COL14A1: variants seen among roughly 807,000 people sequenced by gnomAD.
The protein encoded by COL14A1 is collagen type XIV alpha 1 chain.
In COL14A1, 136 loss-of-function variants were observed where a neutral mutation model predicts 230.3. The ratio of observed to expected loss-of-function variants is 0.59; its 90% confidence interval spans 0.51 to 0.68. The LOEUF (loss-of-function observed/expected upper bound fraction) is 0.68. Ranked by LOEUF, COL14A1 falls within the 30% of genes least tolerant of loss-of-function variation. The pLI is 0.00. For missense variants in COL14A1, 1,976 were observed against 2,215.8 expected (o/e 0.89, Z 2.17); for synonymous variants, 792 against 784.1 (o/e 1.01, Z -0.17).
chr8:120,212,434 T>A lies in COL14A1; in HGVS notation c.1468-14T>A. 1 of 1,612,274 alleles carries A rather than the reference T, an allele frequency of 6.2e-7. No homozygotes were observed. Among genetic ancestry groups the A allele is most frequent in the African/African-American group, 1.3e-5 (1 of 74,990 alleles). On this transcript the variant is annotated splice_polypyrimidine_tract_variant and intron_variant, in intron 12 of 47. Coordinates refer to ENST00000297848, the MANE Select transcript of COL14A1 (RefSeq NM_021110.4). ...TGTATTGGCAAATGATCTAACAACA[T>A]GTGTTCTTTTCAGATGAAAATTGGA... is the stretch of plus-strand genomic sequence containing the variant.
intron 1 of COL14A1, among the ~76,000 whole-genome samples, chr8:120,141,422 T>C (rs1814904386): frequency 6.6e-6 from 1 of 151,908 alleles, no homozygotes; most frequent in Non-Finnish European, 1.5e-5. Context: ...GGCACATGCC[T>C]ATAGTCCAGC....
chr8:120,126,528 A>G (rs891402197), intron 1 of COL14A1, among the ~76,000 whole-genome samples: 1 of 152,240 alleles, frequency 6.6e-6, no homozygotes, highest in African/African-American at 2.4e-5. Flanking sequence ...AACAAGAGAA[A>G]GATGGGAGTA....
chr8:120,306,019 G>A (rs960967054), intron 36 of COL14A1, among the ~76,000 whole-genome samples: 14 of 152,060 alleles, frequency 9.2e-5, no homozygotes, highest in Non-Finnish European at 5.9e-5. Context: ...TCACAAATTA[G>A]ATGTCTTGAT....
At chr8:120,317,198 A>G (rs1048353235) in intron 40 of COL14A1, among the ~76,000 whole-genome samples, 1 of 152,174 alleles carries the variant, frequency 6.6e-6, no homozygotes, top group Non-Finnish European at 1.5e-5. Flanking sequence ...GGTCGAACTT[A>G]CTAGGTTAGC....
intron 23 of COL14A1, among the ~76,000 whole-genome samples, chr8:120,261,719 A>G (rs933658414): frequency 5.3e-5 from 8 of 152,124 alleles, no homozygotes; most frequent in Non-Finnish European, 7.4e-5. Context: ...CTTGGTAGAT[A>G]AAAAAAGAAC....
chr8:120,170,869 C>G (rs532987825), intron 5 of COL14A1, among the ~76,000 whole-genome samples: 1 of 151,866 alleles, frequency 6.6e-6, no homozygotes, highest in Non-Finnish European at 1.5e-5. Context: ...TATTCTTTAA[C>G]TTTCACTCTC....
At chr8:120,299,762 A>G (rs924189379) in intron 35 of COL14A1, among the ~76,000 whole-genome samples, 2 of 152,156 alleles carry the variant, frequency 1.3e-5, no homozygotes, top group Non-Finnish European at 2.9e-5. Context: ...AGAAAAGTAT[A>G]TACACCATGT....
intron 45 of COL14A1, among the ~76,000 whole-genome samples, chr8:120,353,959 T>G (rs1420431574): frequency 7.0e-6 from 1 of 142,132 alleles, no homozygotes; most frequent in Non-Finnish European, 1.5e-5. Context: ...TATTGCGGCA[T>G]TATTCACAAT....
chr8:120,156,397 G>T (rs767319746), intron 2 of COL14A1, among the ~76,000 whole-genome samples: 121 of 152,114 alleles, frequency 8.0e-4, no homozygotes, highest in Non-Finnish European at 1.6e-3. Flanking sequence ...TCAAACTCCT[G>T]ACCTCAGGTG....
At chr8:120,308,077 G>T (rs571067650) in intron 36 of COL14A1, among the ~76,000 whole-genome samples, 1 of 152,348 alleles carries the variant, frequency 6.6e-6, no homozygotes, top group East Asian at 1.9e-4. Context: ...TGCCTCCTGG[G>T]TTTAAGCGAT....
intron 23 of COL14A1, among the ~76,000 whole-genome samples, chr8:120,262,307 T>G (rs186201128): frequency 1.7e-3 from 252 of 152,130 alleles, no homozygotes; most frequent in Admixed American, 7.4e-3. Flanking sequence ...ACTGCATCTC[T>G]ATTAAAAATA....
chr8:120,332,301 A>G (rs1821897886), intron 41 of COL14A1, 107 bp downstream of exon 41: 1 of 1,058,824 alleles, frequency 9.4e-7, no homozygotes, highest in African/African-American at 1.6e-5. Context: ...TCTTCACTAT[A>G]GTGTGACAAC....
intron 20 of COL14A1, among the ~76,000 whole-genome samples, chr8:120,246,845 A>G (rs1283625464): frequency 6.6e-6 from 1 of 152,188 alleles, no homozygotes; most frequent in Non-Finnish European, 1.5e-5. Context: ...GCAATAATAT[A>G]AAACTTCAAA....
chr8:120,172,341 G>A (rs1318736857), intron 5 of COL14A1, among the ~76,000 whole-genome samples: 1 of 152,054 alleles, frequency 6.6e-6, no homozygotes, highest in Non-Finnish European at 1.5e-5. Context: ...AGTAGACATG[G>A]GGTTTCACCA....
chr8:120,241,809 C>G (rs1384301187), intron 19 of COL14A1, among the ~76,000 whole-genome samples: 1 of 152,050 alleles, frequency 6.6e-6, no homozygotes, highest in African/African-American at 2.4e-5. Flanking sequence ...CTCTTTTACT[C>G]AATATCTATA....
At chr8:120,221,240 T>A (rs1817924696) in intron 14 of COL14A1, among the ~76,000 whole-genome samples, 1 of 152,146 alleles carries the variant, frequency 6.6e-6, no homozygotes, top group Non-Finnish European at 1.5e-5. Context: ...CTACATCCCT[T>A]CTAAAATTAG....
Position 120,200,765 on chromosome 8 carries a change from A to ATATATATG in COL14A1, c.877+1200_877+1201insATATATGT, listed in dbSNP as rs1563668143. On this transcript the variant is annotated intron_variant, in intron 8 of 47. Coordinates refer to ENST00000297848, the MANE Select transcript of COL14A1 (RefSeq NM_021110.4). ...TATATATATATATATATATATATATATTATTTTTCATCAGAGGAGGTTTCT... is the reference window on the plus strand; with the variant it reads ...TATATATATATATATATATATATATATATATATGTTATTTTTCATCAGAGGAGGTTTCT... Among the ~76,000 whole-genome samples, 7 of 92,150 alleles carry ATATATATG rather than the reference A, an allele frequency of 7.6e-5. 1 individual carries two copies. Among genetic ancestry groups the ATATATATG allele is most frequent in the African/African-American group, 2.9e-4 (7 of 24,242 alleles). 60.5% of individuals were successfully genotyped at this position (92,150 alleles called of 152,430 possible). A position where few individuals can be genotyped will look rare whatever the true frequency, so the allele number is the denominator to read the frequency against.
intron 5 of COL14A1, among the ~76,000 whole-genome samples, chr8:120,178,494 G>C (rs1226852357): frequency 1.3e-5 from 2 of 152,118 alleles, no homozygotes; most frequent in African/African-American, 4.8e-5. Context: ...AATTTGGGTT[G>C]GTTCCAAGTC....
chr8:120,231,398 AT>A, intron 18 of COL14A1, 68 bp from the exon 19 acceptor site: 3 of 1,520,636 alleles, frequency 2.0e-6, no homozygotes, highest in Non-Finnish European at 2.7e-6. Context: ...CCCCACAGGT[AT>A]TCTCTGTGGC....
Sources: gnomAD v4.1 joint callset for allele counts (sites outside exome capture counted in the v4.1 genomes callset) on GRCh38, gnomAD v4.1.1 for gene constraint, MANE v1.5 for transcripts, NCBI Gene and HGNC (gene_info 2026-07-23, HGNC 2026-07-21) for gene names.